The following ANKRD11 variants were observed in gnomAD, a reference collection of about 807,000 sequenced individuals.
The protein encoded by ANKRD11 is ankyrin repeat domain-containing protein 11.
ANKRD11 carries 17 observed loss-of-function variants against 195.7 expected under a neutral mutation model. The ratio of observed to expected loss-of-function variants is 0.09; its 90% CI spans 0.06 to 0.13. ANKRD11 has a LOEUF of 0.13. Among genes scored for constraint, ANKRD11 ranks in the 10% least tolerant of loss-of-function variants. The pLI is 1.00. For synonymous variants in ANKRD11, 1,953 were observed against 1,528.1 expected (o/e 1.28, Z -6.49); for missense variants, 3,735 against 3,566.1 (o/e 1.05, Z -1.21).
chr16:89,311,812 G>A (rs1000576432), intron 3 of ANKRD11, among the ~76,000 whole-genome samples: 10 of 152,116 alleles, frequency 6.6e-5, no homozygotes, highest in African/African-American at 1.2e-4. Context: ...AGAGCCAAGG[G>A]GATTTTCTTG....
intron 9 of ANKRD11, chr16:89,277,763 G>A (rs899685195): frequency 2.6e-5 from 4 of 152,514 alleles, no homozygotes; most frequent in African/African-American, 9.6e-5. Context: ...GGGGCCCGAG[G>A]GCGCCCGCTC....
chr16:89,422,173 G>C (rs1413095883), intron 1 of ANKRD11: 1 of 152,058 alleles, frequency 6.6e-6, no homozygotes, highest in East Asian at 1.9e-4. Context: ...TAAGAAGAAA[G>C]AGCTCTAGGC....
At chr16:89,357,507 T>C (rs1370717516) in intron 2 of ANKRD11, among the ~76,000 whole-genome samples, 1 of 152,120 alleles carries the variant, frequency 6.6e-6, no homozygotes, top group African/African-American at 2.4e-5. Context: ...GATCCAGCAG[T>C]TCCCCTTCTG....
intron 2 of ANKRD11, among the ~76,000 whole-genome samples, chr16:89,328,502 G>A (rs1422595940): frequency 3.9e-5 from 6 of 152,246 alleles, no homozygotes; most frequent in Admixed American, 1.3e-4. Context: ...CATCCCCTCA[G>A]CAGTAAAAGG....
intron 2 of ANKRD11, among the ~76,000 whole-genome samples, chr16:89,416,919 C>A (rs1232587780): frequency 6.6e-6 from 1 of 152,120 alleles, no homozygotes; most frequent in Non-Finnish European, 1.5e-5. Flanking sequence ...TCCCATGTAC[C>A]TGGCCCCTCC....
At chr16:89,466,405 G>C (rs899390803) in intron 1 of ANKRD11, among the ~76,000 whole-genome samples, 2 of 152,206 alleles carry the variant, frequency 1.3e-5, no homozygotes, top group African/African-American at 4.8e-5. Context: ...TTGCTGGAAT[G>C]TGACAGTGGT....
chr16:89,401,394 T>C (rs1253262054), intron 2 of ANKRD11, among the ~76,000 whole-genome samples: 1 of 152,158 alleles, frequency 6.6e-6, no homozygotes, highest in Non-Finnish European at 1.5e-5. Flanking sequence ...CTCTCTTGAT[T>C]ATGCAGCCAC....
intron 3 of ANKRD11, among the ~76,000 whole-genome samples, chr16:89,316,728 C>T (rs938838407): frequency 3.9e-5 from 6 of 152,206 alleles, no homozygotes; most frequent in Admixed American, 2.0e-4. Context: ...CGCTTGACTT[C>T]GGTCCCCAAA....
intron 1 of ANKRD11, among the ~76,000 whole-genome samples, chr16:89,421,067 G>A (rs1007543443): frequency 2.0e-5 from 3 of 149,502 alleles, no homozygotes; most frequent in Non-Finnish European, 4.5e-5. Flanking sequence ...GTGTGATGAC[G>A]GAGTCAGGGA....
chr16:89,413,442 G>A (rs746213654), intron 2 of ANKRD11, among the ~76,000 whole-genome samples: 35 of 152,168 alleles, frequency 2.3e-4, no homozygotes, highest in Non-Finnish European at 4.7e-4. Context: ...TAGCTAACAC[G>A]AGGAAACCCC....
At chr16:89,385,488 A>G (rs2040867933) in intron 2 of ANKRD11, among the ~76,000 whole-genome samples, 1 of 152,066 alleles carries the variant, frequency 6.6e-6, no homozygotes, top group South Asian at 2.1e-4. Flanking sequence ...AGCACCGGGC[A>G]GAGGGAAGGG....
chr16:89,373,384 A>G (rs1465207796), intron 2 of ANKRD11: 1 of 152,252 alleles, frequency 6.6e-6, no homozygotes, highest in Non-Finnish European at 1.5e-5. Context: ...CAATTCCAAA[A>G]CACACGCCTT....
chr16:89,457,161 G>A (rs914927923), intron 1 of ANKRD11, among the ~76,000 whole-genome samples: 2 of 150,202 alleles, frequency 1.3e-5, no homozygotes, highest in Non-Finnish European at 3.0e-5. Flanking sequence ...GGGTTTCACC[G>A]TTTTAGCCGG....
Position 89,279,909 on chromosome 16 carries a change from T to C in ANKRD11, c.6633A>G (p.Pro2211=), listed in dbSNP as rs536681113. ...AELEPEPSGE[P]KLDVALEAAV... ...CAGCTTCTAGAGCCACGTCCAGCTT[T>C]GGCTCCCCTGAGGGCTCAGGCTCGA... is the stretch of plus-strand genomic sequence containing the variant. The change falls in exon 9 of 13, where the codon CCA becomes CCG. Residue 2211 remains proline (P), a synonymous_variant. Coordinates refer to ENST00000301030, the MANE Select transcript of ANKRD11 (RefSeq NM_013275.6). This position sits in a 1 kb window ranked among gnomAD's most constrained non-coding sequence, Gnocchi z 5.6. The C allele has an allele frequency of 3.1e-6, 5 of 1,609,224 alleles. No homozygotes were observed. In the East Asian group the frequency reaches 1.1e-4, roughly 36 times the overall value.
chr16:89,354,962 G>A (rs758353680), intron 2 of ANKRD11, among the ~76,000 whole-genome samples: 4 of 152,192 alleles, frequency 2.6e-5, no homozygotes, highest in Non-Finnish European at 5.9e-5. Flanking sequence ...CCAAAGGAGT[G>A]AGGGCAACAG....
intron 2 of ANKRD11, among the ~76,000 whole-genome samples, chr16:89,337,314 G>A (rs1011734614): frequency 3.3e-5 from 5 of 151,638 alleles, no homozygotes; most frequent in Admixed American, 2.0e-4. Context: ...GGAATCCTCC[G>A]CCACGTGACC....
At chr16:89,430,792 T>C (rs1427662000) in intron 1 of ANKRD11, among the ~76,000 whole-genome samples, 8 of 152,140 alleles carry the variant, frequency 5.3e-5, no homozygotes, top group African/African-American at 7.2e-5. Context: ...CCAAAATGAA[T>C]TGTTTCTTTC....
chr16:89,270,804 G>C lies in ANKRD11; in HGVS notation c.7806+13C>G, dbSNP rs775990240. ...CTCCCCCAGGCAGAACTGAGGGGAC[G>C]CGCAACACCGACCTTCATGCGGTCA... On this transcript the variant is annotated intron_variant, in intron 12 of 12. Coordinates refer to ENST00000301030, the MANE Select transcript of ANKRD11 (RefSeq NM_013275.6). The C allele has an allele frequency of 1.2e-6, 2 of 1,612,392 alleles. No homozygotes were observed. The highest frequency in any genetic ancestry group is 2.2e-5 in the East Asian group (1 of 44,876).
chr16:89,325,387 A>C (rs1235852957), intron 2 of ANKRD11, among the ~76,000 whole-genome samples: 2 of 151,840 alleles, frequency 1.3e-5, no homozygotes, highest in African/African-American at 4.8e-5. Context: ...GCGGTAAGCC[A>C]AGATCATGCC....
Sources: gnomAD v4.1 joint callset for allele counts (sites outside exome capture counted in the v4.1 genomes callset) on GRCh38, gnomAD v4.1.1 for gene constraint, Gnocchi (gnomAD v3.1) non-coding constraint, MANE v1.5 for transcripts, NCBI Gene and HGNC (gene_info 2026-07-23, HGNC 2026-07-21) for gene names.